NRG3: variants seen among roughly 807,000 people sequenced by gnomAD.
The protein encoded by NRG3 is neuregulin 3, also known as pro-neuregulin-3, membrane-bound isoform.
Under a neutral mutation model 66.9 loss-of-function variants are expected in NRG3, and 31 were observed. That is an observed-to-expected ratio of 0.46 (90% CI 0.35 to 0.63). NRG3 has a LOEUF of 0.63. NRG3 is among the 20% of genes least tolerant of loss of function. The probability of loss-of-function intolerance (pLI) is 0.00; values close to 1 mark genes in which losing one functional copy is unlikely to be tolerated. For missense variants in NRG3, 910 were observed against 878.9 expected, an observed-to-expected ratio of 1.04 and a Z score of -0.45; for synonymous variants, 393 against 359.4, an observed-to-expected ratio of 1.09 and a Z score of -1.06.
intron 2 of NRG3, among the ~76,000 whole-genome samples, chr10:82,551,605 T>TG (rs11407824): frequency 3.0e-3 from 341 of 113,134 alleles, no homozygotes; most frequent in African/African-American, 0.015. Flanking sequence ...TTTAAAATAC[T>TG]GTTTTTTTTT....
intron 4 of NRG3, among the ~76,000 whole-genome samples, chr10:82,918,864 C>T (rs557677565): frequency 1.7e-4 from 26 of 152,232 alleles, no homozygotes; most frequent in Admixed American, 1.6e-3. Flanking sequence ...AAGGAGCAAC[C>T]GCATTTAGAA....
intron 2 of NRG3, among the ~76,000 whole-genome samples, chr10:82,410,624 C>T (rs1034405454): frequency 1.3e-5 from 2 of 151,676 alleles, no homozygotes; most frequent in Non-Finnish European, 2.9e-5. Context: ...GATGGTTGTA[C>T]AACCTTCTGA....
intron 2 of NRG3, among the ~76,000 whole-genome samples, chr10:82,705,842 G>A (rs778805829): frequency 2.6e-5 from 4 of 152,242 alleles, no homozygotes; most frequent in South Asian, 2.1e-4. Flanking sequence ...TCCCATTCAC[G>A]TTTCTTAGAA....
chr10:82,400,549 G>T (rs1443633040), intron 2 of NRG3, among the ~76,000 whole-genome samples: 1 of 150,742 alleles, frequency 6.6e-6, no homozygotes, highest in Non-Finnish European at 1.5e-5. Context: ...AAGTAACTCG[G>T]TCAAGTACAT....
In NRG3 at chr10:82,799,450, G is replaced by A. The variant is rs568327275; in HGVS notation, c.1027+60800G>A. ...CTGAGGCAGGAGAGTCACTTGAACC[G>A]GGGAGTCAGAGGTTGCAGTGAGGTG... On this transcript the variant is annotated intron_variant, in intron 3 of 8. Coordinates refer to ENST00000372141, the MANE Select transcript of NRG3 (RefSeq NM_001010848.4). Among the ~76,000 whole-genome samples the A allele has an allele frequency of 1.1e-4, 16 of 151,206 alleles. No individual in the cohort carries two copies. In the South Asian group the frequency reaches 2.7e-3, roughly 26 times the overall value.
chr10:82,274,775 A>G (rs1403183508), intron 1 of NRG3, among the ~76,000 whole-genome samples: 1 of 152,002 alleles, frequency 6.6e-6, no homozygotes, highest in Admixed American at 6.6e-5. Context: ...ATGTTTTTGC[A>G]TACTATAGTG....
In NRG3 at chr10:81,995,640, G is replaced by A. The variant is rs139733516; in HGVS notation, c.823+119477G>A. On this transcript the variant is annotated intron_variant, in intron 1 of 8. Transcript: ENST00000372141. ...TCCTGGTACTGGCCTTTGCCTTACA[G>A]TTTAAGGATGCTGTTGAATATTAAC... Among the ~76,000 whole-genome samples, 33 of 152,316 alleles carry A rather than the reference G, an allele frequency of 2.2e-4. 2 individuals are homozygous for A. The highest frequency in any genetic ancestry group is 7.2e-4 in the African/African-American group (30 of 41,582).
chr10:82,966,933 TG>T (rs1851264695), intron 6 of NRG3, among the ~76,000 whole-genome samples: 1 of 151,920 alleles, frequency 6.6e-6, no homozygotes, highest in African/African-American at 2.4e-5. Flanking sequence ...GGTTTTTTTT[TG>T]TTGTTGAGCA....
At chr10:81,950,316 G>T (rs1488698565) in intron 1 of NRG3, among the ~76,000 whole-genome samples, 2 of 152,170 alleles carry the variant, frequency 1.3e-5, no homozygotes, top group Admixed American at 6.5e-5. Context: ...GGAATGGGAG[G>T]TATCATTATA....
chr10:81,888,225 T>A (rs1014600964), intron 1 of NRG3, among the ~76,000 whole-genome samples: 5 of 152,092 alleles, frequency 3.3e-5, no homozygotes, highest in African/African-American at 9.7e-5. Context: ...AACACCCACA[T>A]TCCCTTTTGA....
At chr10:82,235,231 CCTTCCTGCA>C (rs1430002037) in intron 1 of NRG3, among the ~76,000 whole-genome samples, 2 of 152,146 alleles carry the variant, frequency 1.3e-5, no homozygotes, top group Admixed American at 6.5e-5. Context: ...TTCATGACTG[CCTTCCTGCA>C]AAAATATTAG....
intron 4 of NRG3, among the ~76,000 whole-genome samples, chr10:82,914,902 G>A (rs866201131): frequency 5.9e-5 from 9 of 152,156 alleles, no homozygotes; most frequent in Admixed American, 1.3e-4. Context: ...TTTCTCTGGG[G>A]AAAGGCCTTT....
At position 82,711,050 on chromosome 10, in the gene NRG3, T is replaced by G. The variant is rs75980713; in HGVS notation, c.954-27527T>G. 5.0e-3 allele frequency among the ~76,000 whole-genome samples: 766 copies of G among 152,196 alleles called. 6 individuals are homozygous for G. The highest frequency in any genetic ancestry group is 0.018 in the African/African-American group (732 of 41,534). The stretch of plus-strand genomic sequence containing the variant: ...GTCTCCCAAGTTGGTGGGATTACAG[T>G]CCTGAGCTATTTTGCTCAGCAGATT... On this transcript the variant is annotated intron_variant, in intron 2 of 8. Coordinates refer to ENST00000372141, the MANE Select transcript of NRG3 (RefSeq NM_001010848.4).
intron 2 of NRG3, among the ~76,000 whole-genome samples, chr10:82,398,706 T>C (rs919583344): frequency 1.3e-5 from 2 of 152,106 alleles, no homozygotes; most frequent in African/African-American, 4.8e-5. Flanking sequence ...CCAAGAAATG[T>C]GCACATTTAT....
At chr10:82,942,640 G>T (rs749460054) in intron 4 of NRG3, among the ~76,000 whole-genome samples, 2 of 152,178 alleles carry the variant, frequency 1.3e-5, no homozygotes, top group Non-Finnish European at 2.9e-5. Flanking sequence ...CAGGCAGCCT[G>T]GCCTGAGCCT....
intron 1 of NRG3, among the ~76,000 whole-genome samples, chr10:81,978,594 T>C (rs578104728): frequency 2.0e-5 from 3 of 152,320 alleles, no homozygotes; most frequent in African/African-American, 7.2e-5. Flanking sequence ...TCTCTATACA[T>C]ACTCCTGGAT....
intron 5 of NRG3, among the ~76,000 whole-genome samples, chr10:82,952,508 T>A (rs1481263494): frequency 6.7e-6 from 1 of 148,924 alleles, no homozygotes; most frequent in Non-Finnish European, 1.5e-5. Context: ...TGTGTGTGTG[T>A]GTGTGTGTGT....
intron 1 of NRG3, among the ~76,000 whole-genome samples, chr10:81,899,021 T>G (rs1357499369): frequency 6.6e-6 from 1 of 152,230 alleles, no homozygotes; most frequent in Non-Finnish European, 1.5e-5. Context: ...TTAAATTTCC[T>G]TAGGTTTTCA....
intron 1 of NRG3, among the ~76,000 whole-genome samples, chr10:81,936,563 C>G (rs908555781): frequency 2.6e-5 from 4 of 152,066 alleles, no homozygotes; most frequent in Admixed American, 2.6e-4. Flanking sequence ...AGTGGGAGAA[C>G]CACAGATGGC....
Sources: allele counts gnomAD v4.1 joint callset (sites outside exome capture counted in the v4.1 genomes callset), GRCh38; gene constraint gnomAD v4.1.1; transcripts MANE v1.5; gene names NCBI Gene and HGNC (gene_info 2026-07-23, HGNC 2026-07-21).